Variants in CENPK observed in about 807,000 individuals in gnomAD.
CENPK encodes the protein centromere protein K, also known as SoxLZ/Sox6-binding protein Solt.
CENPK carries 46 observed loss-of-function variants against 40.9 expected under a neutral mutation model. That is an observed-to-expected ratio of 1.13 (90% CI 0.89 to 1.44). The LOEUF (loss-of-function observed/expected upper bound fraction) is 1.44, where lower values mean the gene tolerates loss of function less well. Among genes scored for constraint, CENPK ranks in the 40% most tolerant of loss-of-function variants. The pLI, the probability that CENPK is intolerant of heterozygous loss-of-function variation, is 0.00. For synonymous variants in CENPK, 107 were observed against 104.4 expected (o/e 1.02, Z -0.15); for missense variants, 288 against 303.5 (o/e 0.95, Z 0.38).
Position 65,551,647 on chromosome 5 carries a change from A to G in CENPK, c.169-11T>C. On this transcript the variant is annotated splice_polypyrimidine_tract_variant and intron_variant, in intron 4 of 10. Transcript: ENST00000396679. ...AATTAACAATGATAGCTACAAAAGA[A>G]GAAAACAAAGTCATTTTCTGTGGAC... 1.4e-6 allele frequency: 2 copies of G among 1,470,086 alleles called. No homozygotes were observed. Among genetic ancestry groups the G allele is most frequent in the Non-Finnish European group, 1.9e-6 (2 of 1,066,880 alleles). The allele number at this position is 1,470,086 out of a possible 1,614,324, so 91.1% of individuals were successfully genotyped here.
chr5:65,497,534 G>T, the CENPK span, among the ~76,000 whole-genome samples: 1 of 152,182 alleles, frequency 6.6e-6, no homozygotes, highest in African/African-American at 2.4e-5. Flanking sequence ...ACAGTCTTTT[G>T]TAACCTAGTC....
At chr5:65,562,542 G>T (rs1023782056) in intron 1 of CENPK, among the ~76,000 whole-genome samples, 1 of 152,156 alleles carries the variant, frequency 6.6e-6, no homozygotes, top group Non-Finnish European at 1.5e-5. Flanking sequence ...AGTGTTTTAC[G>T]GAGGTCATTT....
At chr5:65,514,927 G>A (rs551570698), downstream of CENPK, among the ~76,000 whole-genome samples, 44 of 151,042 alleles carry the variant, frequency 2.9e-4, 1 homozygote, top group South Asian at 8.6e-3. Flanking sequence ...TTTCATTTCT[G>A]ATTTTAGTAA....
At chr5:65,520,453 T>C (rs1209299951) in intron 10 of CENPK, among the ~76,000 whole-genome samples, 2 of 152,168 alleles carry the variant, frequency 1.3e-5, no homozygotes, top group East Asian at 1.9e-4. Context: ...TATGTTACAC[T>C]ATTAAAAAAT....
chr5:65,509,763 G>A, the CENPK span, among the ~76,000 whole-genome samples: 1 of 152,142 alleles, frequency 6.6e-6, no homozygotes, highest in Non-Finnish European at 1.5e-5. Flanking sequence ...ACCCTGTGTT[G>A]AGCAAGTCTA....
intron 6 of CENPK, among the ~76,000 whole-genome samples, chr5:65,540,824 T>G (rs1333691040): frequency 6.6e-6 from 1 of 151,016 alleles, no homozygotes; most frequent in East Asian, 1.9e-4. Context: ...TTTTTTTTTT[T>G]TGAGACAGGG....
At chr5:65,553,295 C>T (rs1253631993) in intron 3 of CENPK, among the ~76,000 whole-genome samples, 2 of 151,604 alleles carry the variant, frequency 1.3e-5, no homozygotes, top group Non-Finnish European at 2.9e-5. Context: ...CCCTGAACTA[C>T]ACTGGAAGAA....
intron 2 of CENPK, among the ~76,000 whole-genome samples, chr5:65,557,635 C>A (rs1166992128): frequency 6.6e-6 from 1 of 152,158 alleles, no homozygotes; most frequent in East Asian, 1.9e-4. Context: ...ACAATTAAGC[C>A]CCTAGGCTTT....
intron 9 of CENPK, among the ~76,000 whole-genome samples, chr5:65,523,978 T>C (rs1224570114): frequency 1.3e-5 from 2 of 152,062 alleles, no homozygotes; most frequent in African/African-American, 2.4e-5. Context: ...AGACAAAGTA[T>C]TTACACCATC....
At chr5:65,551,128 T>C in intron 5 of CENPK, 2 of 384,456 alleles carry the variant, frequency 5.2e-6, no homozygotes, top group East Asian at 1.0e-4. Context: ...CACACACTTG[T>C]AGTCCTAGCT....
rs141551708 is a variant in CENPK at position 65,518,547 on chromosome 5, C to T, written c.738G>A (p.Leu246=). The T allele has an allele frequency of 1.2e-6, 2 of 1,613,380 alleles. No individual in the cohort carries two copies. Among genetic ancestry groups the T allele is most frequent in the African/African-American group, 1.3e-5 (1 of 74,894 alleles). The change falls in exon 11 of 11, where the codon CTG becomes CTA. Residue 246 remains leucine, a synonymous_variant. Coordinates refer to ENST00000396679, the MANE Select transcript of CENPK (RefSeq NM_022145.5). ...DSFWPPYVEL[L]LRNGIALRHP... is the part of the protein sequence containing the mutation. ...GTCTCAAGGCAATTCCATTACGCAG[C>T]AGCAGCTCAACATAAGGTGGCCAAA...
chr5:65,512,969 T>C (rs975977954), downstream of CENPK, among the ~76,000 whole-genome samples: 3 of 152,230 alleles, frequency 2.0e-5, no homozygotes, highest in Admixed American at 6.5e-5. Context: ...TTGCTATCTA[T>C]ATATCTTCTT....
downstream of CENPK, among the ~76,000 whole-genome samples, chr5:65,514,597 C>G (rs886780588): frequency 6.6e-6 from 1 of 152,122 alleles, no homozygotes; most frequent in Non-Finnish European, 1.5e-5. Context: ...TCCTCTGCTT[C>G]TATTTTCTAG....
intron 2 of CENPK, among the ~76,000 whole-genome samples, chr5:65,558,889 A>G (rs1751438658): frequency 6.6e-6 from 1 of 152,252 alleles, no homozygotes; most frequent in Non-Finnish European, 1.5e-5. Context: ...TTATGATAGT[A>G]GTACTGCAAA....
At chr5:65,498,058 T>C in the CENPK span, among the ~76,000 whole-genome samples, 1 of 152,144 alleles carries the variant, frequency 6.6e-6, no homozygotes, top group Non-Finnish European at 1.5e-5. Flanking sequence ...GTATGTATAA[T>C]TGGTATGAAT....
chr5:65,539,761 AGGAGGCTCCTTCCTTTAAAACCCAGGT>A (rs1747626051), intron 6 of CENPK, among the ~76,000 whole-genome samples: 1 of 152,232 alleles, frequency 6.6e-6, no homozygotes, highest in African/African-American at 2.4e-5. Flanking sequence ...AGGCTCTGCC[AGGAGGCTCCTTCCTTTAAAACCCAGGT>A]GGAACCAGCC....
At chr5:65,530,721 C>T (rs1182280600) in intron 6 of CENPK, among the ~76,000 whole-genome samples, 4 of 152,072 alleles carry the variant, frequency 2.6e-5, no homozygotes, top group Non-Finnish European at 5.9e-5. Flanking sequence ...CCAGCCTGGG[C>T]AACATGGTGA....
At position 65,552,549 on chromosome 5, in the gene CENPK, A is replaced by G. The variant is rs1750271640; in HGVS notation, c.112T>C (p.Cys38Arg). ...CEEMWKDMEE[C>R]QNKLSLIGTE... ...CCAATAAGTGATAATTTATTCTGAC[A>G]CTTGATTTAAAAAGTAAAAAAAGGC... Residue 38 changes from cysteine (C) to arginine (R), a missense_variant and splice_region_variant, in exon 4 of 11, where the codon TGT becomes CGT. Cys to Arg is a radical substitution (Grantham distance 180, BLOSUM62 -3). Coordinates refer to ENST00000396679, the MANE Select transcript of CENPK (RefSeq NM_022145.5). 1 of 1,530,934 alleles carries G rather than the reference A, an allele frequency of 6.5e-7. No homozygotes were observed. Among genetic ancestry groups the G allele is most frequent in the Non-Finnish European group, 8.8e-7 (1 of 1,137,350 alleles). 94.8% of individuals were successfully genotyped at this position (1,530,934 alleles called of 1,614,324 possible).
At chr5:65,544,220 G>A (rs1748496641) in intron 5 of CENPK, among the ~76,000 whole-genome samples, 1 of 151,856 alleles carries the variant, frequency 6.6e-6, no homozygotes. Context: ...GGCAAAAGGG[G>A]AAAAAAAGAC....
Sources: allele counts gnomAD v4.1 joint callset (sites outside exome capture counted in the v4.1 genomes callset), GRCh38; gene constraint gnomAD v4.1.1; transcripts MANE v1.5; gene names NCBI Gene and HGNC (gene_info 2026-07-23, HGNC 2026-07-21).